C12orf42: variants seen among roughly 807,000 people sequenced by gnomAD.
C12orf42 encodes chromosome 12 open reading frame 42, also known as uncharacterized protein C12orf42.
C12orf42 carries 25 observed loss-of-function variants against 21.6 expected under a neutral mutation model. That is an observed-to-expected ratio of 1.16 (90% CI 0.84 to 1.62). C12orf42 has a LOEUF of 1.62. C12orf42 is among the 40% of genes most tolerant of loss of function. The pLI is 0.00. For missense variants in C12orf42, 483 were observed against 459.3 expected, an observed-to-expected ratio of 1.05 and a Z score of -0.47; for synonymous variants, 174 against 175.0, an observed-to-expected ratio of 0.99 and a Z score of 0.05.
At chr12:103,563,178 C>T in the C12orf42 span, among the ~76,000 whole-genome samples, 2 of 152,172 alleles carry the variant, frequency 1.3e-5, no homozygotes, top group African/African-American at 4.8e-5. Flanking sequence ...TTCTGTCCAG[C>T]AAAGCAGTGA....
At chr12:103,530,531 T>C in the C12orf42 span, among the ~76,000 whole-genome samples, 1 of 151,738 alleles carries the variant, frequency 6.6e-6, no homozygotes. Context: ...GCATGAGGGG[T>C]GGGTTTTCTC....
At chr12:103,219,613 C>A in the C12orf42 span, among the ~76,000 whole-genome samples, 1 of 152,182 alleles carries the variant, frequency 6.6e-6, no homozygotes, top group Non-Finnish European at 1.5e-5. Flanking sequence ...TATGAACAGA[C>A]ACTCCTCAAA....
At chr12:103,499,192 A>G (rs143592953), upstream of C12orf42, among the ~76,000 whole-genome samples, 31 of 152,312 alleles carry the variant, frequency 2.0e-4, no homozygotes, top group Admixed American at 1.2e-3. Flanking sequence ...TCTAATATAC[A>G]TAATGGTGAC....
At chr12:103,411,504 T>A (rs1021132021) in intron 2 of C12orf42, among the ~76,000 whole-genome samples, 3 of 152,212 alleles carry the variant, frequency 2.0e-5, no homozygotes, top group Non-Finnish European at 4.4e-5. Flanking sequence ...AAAACTCATG[T>A]GTTGAAATCT....
the C12orf42 span, among the ~76,000 whole-genome samples, chr12:103,535,808 C>T: frequency 6.6e-6 from 1 of 152,142 alleles, no homozygotes; most frequent in Non-Finnish European, 1.5e-5. Context: ...GATGGGTTCT[C>T]ACTTTGCTAC....
At chr12:103,337,912 C>G (rs754832489) in intron 4 of C12orf42, among the ~76,000 whole-genome samples, 4 of 152,138 alleles carry the variant, frequency 2.6e-5, no homozygotes, top group Non-Finnish European at 5.9e-5. Context: ...CAAGTCTCTA[C>G]CTGACCTCAT....
intron 2 of C12orf42, among the ~76,000 whole-genome samples, chr12:103,444,697 A>G (rs1951469254): frequency 1.3e-5 from 2 of 152,056 alleles, no homozygotes; most frequent in Admixed American, 1.3e-4. Flanking sequence ...TTCTCCATAT[A>G]AGATTGTACA....
the C12orf42 span, among the ~76,000 whole-genome samples, chr12:103,084,665 G>T: frequency 6.6e-6 from 1 of 152,114 alleles, no homozygotes; most frequent in Non-Finnish European, 1.5e-5. Flanking sequence ...TCAATGACTT[G>T]GTTATTAACC....
the C12orf42 span, among the ~76,000 whole-genome samples, chr12:103,176,447 A>C: frequency 2.0e-5 from 3 of 152,152 alleles, no homozygotes; most frequent in Non-Finnish European, 2.9e-5. Context: ...ATGAGATAAT[A>C]ATGCACATAA....
intron 1 of C12orf42, among the ~76,000 whole-genome samples, chr12:103,487,507 C>A (rs1446588329): frequency 6.6e-6 from 1 of 152,164 alleles, no homozygotes; most frequent in African/African-American, 2.4e-5. Context: ...TGTTGGATAT[C>A]CTTGTTAACC....
chr12:103,431,593 G>A (rs1422996587), intron 2 of C12orf42, among the ~76,000 whole-genome samples: 1 of 152,156 alleles, frequency 6.6e-6, no homozygotes, highest in African/African-American at 2.4e-5. Flanking sequence ...AGTCAACTAT[G>A]AGGGTCATTT....
the C12orf42 span, among the ~76,000 whole-genome samples, chr12:103,226,744 G>A: frequency 2.0e-5 from 3 of 152,254 alleles, no homozygotes; most frequent in East Asian, 3.9e-4. Flanking sequence ...GCCTGGGGAG[G>A]AAAGGAGAGG....
chr12:103,517,818 T>A, the C12orf42 span, among the ~76,000 whole-genome samples: 1 of 152,130 alleles, frequency 6.6e-6, no homozygotes, highest in African/African-American at 2.4e-5. Context: ...GAGAAAAGAA[T>A]AAAACTATAA....
the C12orf42 span, among the ~76,000 whole-genome samples, chr12:103,054,663 G>A: frequency 3.3e-5 from 5 of 151,818 alleles, no homozygotes; most frequent in Non-Finnish European, 7.4e-5. Context: ...CCAATATTAA[G>A]GGGAATATAT....
chr12:103,138,826 C>A, the C12orf42 span, among the ~76,000 whole-genome samples: 27 of 152,290 alleles, frequency 1.8e-4, no homozygotes, highest in Non-Finnish European at 1.8e-4. Flanking sequence ...ATCCACACAT[C>A]CCCTGCTATC....
chr12:103,309,456 T>C lies in C12orf42; in HGVS notation c.260-3111A>G, dbSNP rs115858219. Among the ~76,000 whole-genome samples, 1,363 of 152,340 alleles carry C rather than the reference T, an allele frequency of 8.9e-3. 13 individuals carry two copies. The highest frequency in any genetic ancestry group is 0.031 in the African/African-American group (1,296 of 41,580). On this transcript the variant is annotated intron_variant, in intron 4 of 5. Transcript: ENST00000548883. ...AAATAACATACAAAATATATGTTAATTGACTATGTTATCAATAAGCTTCCA... is the reference window on the plus strand; with the variant it reads ...AAATAACATACAAAATATATGTTAACTGACTATGTTATCAATAAGCTTCCA...
intron 2 of C12orf42, among the ~76,000 whole-genome samples, chr12:103,405,463 C>T (rs2048354509): frequency 6.6e-6 from 1 of 152,006 alleles, no homozygotes; most frequent in African/African-American, 2.4e-5. Context: ...TCAGATGAGC[C>T]CAAAGGTCTG....
At chr12:103,219,371 C>T in the C12orf42 span, among the ~76,000 whole-genome samples, 3 of 152,138 alleles carry the variant, frequency 2.0e-5, no homozygotes, top group African/African-American at 7.2e-5. Context: ...ATGAGTGAAA[C>T]ACCAAAAGCA....
chr12:103,326,908 G>A (rs1289797205), intron 4 of C12orf42, among the ~76,000 whole-genome samples: 1 of 152,158 alleles, frequency 6.6e-6, no homozygotes, highest in African/African-American at 2.4e-5. Flanking sequence ...ATAAGGCAAG[G>A]TCTTTGGCAT....
Sources: allele counts gnomAD v4.1 joint callset (sites outside exome capture counted in the v4.1 genomes callset), GRCh38; gene constraint gnomAD v4.1.1; transcripts MANE v1.5; gene names NCBI Gene and HGNC (gene_info 2026-07-23, HGNC 2026-07-21).